The following PLXNA4 variants were observed in gnomAD, a reference collection of about 807,000 sequenced individuals.
The protein encoded by PLXNA4 is plexin-A4.
PLXNA4 carries 44 observed loss-of-function variants against 191.8 expected under a neutral mutation model. That is an observed-to-expected ratio of 0.23 (90% CI 0.18 to 0.29). PLXNA4 has a LOEUF of 0.29. Among genes scored for constraint, PLXNA4 ranks in the 10% least tolerant of loss-of-function variants. The pLI is 1.00. For missense variants in PLXNA4, 1,800 were observed against 2,488.8 expected, an observed-to-expected ratio of 0.72 and a Z score of 5.89; for synonymous variants, 1,082 against 1,009.5, an observed-to-expected ratio of 1.07 and a Z score of -1.36.
chr7:132,227,038 G>GGGGA (rs199964805), intron 7 of PLXNA4, among the ~76,000 whole-genome samples: 1,769 of 152,308 alleles, frequency 0.012, 32 homozygotes, highest in African/African-American at 0.041. Context: ...GGGCAGAGTT[G>GGGGA]GGGAGGCAGT....
intron 6 of PLXNA4, 54 bp downstream of exon 6, chr7:132,228,292 G>A (rs1798400422): frequency 1.1e-5 from 18 of 1,608,622 alleles, no homozygotes; most frequent in Non-Finnish European, 1.5e-5. Context: ...TTTTTAGTGA[G>A]GGGAGAGTTT....
At chr7:132,175,579 T>C (rs1796430534) in intron 20 of PLXNA4, among the ~76,000 whole-genome samples, 1 of 152,216 alleles carries the variant, frequency 6.6e-6, no homozygotes, top group African/African-American at 2.4e-5. Flanking sequence ...ATGTGGGCAC[T>C]GCTGTGTGTG....
At chr7:132,588,639 G>GGGAAA (rs1802545826) in intron 2 of PLXNA4, among the ~76,000 whole-genome samples, 1 of 75,360 alleles carries the variant, frequency 1.3e-5, no homozygotes, top group Non-Finnish European at 2.4e-5. Flanking sequence ...AAGGAAGGAA[G>GGGAAA]GGAAGGGAAG....
intron 3 of PLXNA4, among the ~76,000 whole-genome samples, chr7:132,377,539 T>C (rs1429140870): frequency 1.3e-5 from 2 of 152,018 alleles, no homozygotes; most frequent in Non-Finnish European, 2.9e-5. Flanking sequence ...TCCTCTCCCA[T>C]CTCTGTGGCA....
intron 1 of PLXNA4, among the ~76,000 whole-genome samples, chr7:132,555,368 C>T (rs1255651264): frequency 6.6e-6 from 1 of 152,154 alleles, no homozygotes; most frequent in African/African-American, 2.4e-5. Flanking sequence ...AACCTCAAGG[C>T]AGTAGACTTG....
At chr7:132,403,906 C>T (rs1043584098) in intron 3 of PLXNA4, among the ~76,000 whole-genome samples, 1 of 152,120 alleles carries the variant, frequency 6.6e-6, no homozygotes, top group African/African-American at 2.4e-5. Context: ...CCCAGGGCAG[C>T]CAGGAGAGTC....
chr7:132,609,848 C>A (rs1991313), intron 2 of PLXNA4, among the ~76,000 whole-genome samples: 1 of 151,996 alleles, frequency 6.6e-6, no homozygotes, highest in East Asian at 1.9e-4. Flanking sequence ...ATTGACTCTG[C>A]GTCCTGTAGG....
chr7:132,552,825 C>A (rs1291132710), intron 1 of PLXNA4, among the ~76,000 whole-genome samples: 1 of 152,154 alleles, frequency 6.6e-6, no homozygotes, highest in African/African-American at 2.4e-5. Flanking sequence ...GAGACCCTCA[C>A]CCCAAAGCCA....
At chr7:132,365,326 C>CGCGTGT (rs1563058760) in intron 3 of PLXNA4, among the ~76,000 whole-genome samples, 1 of 114,186 alleles carries the variant, frequency 8.8e-6, no homozygotes, top group Non-Finnish European at 1.9e-5. Flanking sequence ...TCCTACGGCC[C>CGCGTGT]GCGTGTGTGT....
intron 2 of PLXNA4, among the ~76,000 whole-genome samples, chr7:132,497,138 A>ACACG (rs1798056499): frequency 6.6e-6 from 1 of 151,800 alleles, no homozygotes; most frequent in Non-Finnish European, 1.5e-5. Context: ...ACACACACAC[A>ACACG]CACACATACA....
At chr7:132,132,427 G>C (rs147920646) in intron 31 of PLXNA4, among the ~76,000 whole-genome samples, 1 of 79,128 alleles carries the variant, frequency 1.3e-5, no homozygotes, top group South Asian at 5.9e-4. Flanking sequence ...GTTCTGTTCT[G>C]TTCTGTTCTG....
At chr7:132,574,199 A>G (rs995230202) in intron 1 of PLXNA4, among the ~76,000 whole-genome samples, 5 of 152,336 alleles carry the variant, frequency 3.3e-5, no homozygotes, top group Middle Eastern at 3.4e-3. Context: ...CTGCGAATAC[A>G]TGAGAAAGGA....
intron 3 of PLXNA4, among the ~76,000 whole-genome samples, chr7:132,422,151 G>C (rs1397552674): frequency 1.3e-5 from 2 of 152,156 alleles, no homozygotes; most frequent in African/African-American, 2.4e-5. Flanking sequence ...CCCACCCTAG[G>C]AGCTGGAAAA....
At chr7:132,348,527 G>C (rs1053274685) in intron 3 of PLXNA4, among the ~76,000 whole-genome samples, 1 of 152,214 alleles carries the variant, frequency 6.6e-6, no homozygotes, top group South Asian at 2.1e-4. Flanking sequence ...AAAGATCACC[G>C]TATTTGTACA....
chr7:132,593,546 T>A (rs1434229946), intron 2 of PLXNA4, among the ~76,000 whole-genome samples: 1 of 152,080 alleles, frequency 6.6e-6, no homozygotes. Context: ...GGAGGATGGC[T>A]CAGGAGAAGG....
intron 3 of PLXNA4, among the ~76,000 whole-genome samples, chr7:132,477,100 T>C (rs1028920095): frequency 6.6e-6 from 1 of 152,214 alleles, no homozygotes; most frequent in Admixed American, 6.5e-5. Context: ...CACAAGCTCT[T>C]TAAGTCAAGA....
intron 3 of PLXNA4, among the ~76,000 whole-genome samples, chr7:132,360,234 A>G (rs1203358842): frequency 6.6e-6 from 1 of 152,142 alleles, no homozygotes; most frequent in African/African-American, 2.4e-5. Context: ...ACACGGTCTC[A>G]GAGGGTGGGA....
intron 3 of PLXNA4, among the ~76,000 whole-genome samples, chr7:132,391,524 C>A (rs1805411326): frequency 6.6e-6 from 1 of 152,114 alleles, no homozygotes. Context: ...CCTGAGGGAG[C>A]AAAGAATGGG....
At chr7:132,439,740 G>T (rs138935637) in intron 3 of PLXNA4, among the ~76,000 whole-genome samples, 1 of 152,130 alleles carries the variant, frequency 6.6e-6, no homozygotes, top group African/African-American at 2.4e-5. Flanking sequence ...CAAAGTTTGC[G>T]GTCCTAATTA....
Sources: allele counts gnomAD v4.1 joint callset (sites outside exome capture counted in the v4.1 genomes callset), GRCh38; gene constraint gnomAD v4.1.1; transcripts MANE v1.5; gene names NCBI Gene and HGNC (gene_info 2026-07-23, HGNC 2026-07-21).